The following GET1 variants were observed in gnomAD, a reference collection of about 807,000 sequenced individuals.
The protein encoded by GET1 is congenital heart disease 5 protein.
Under a neutral mutation model 22.6 loss-of-function variants are expected in GET1, and 20 were observed. The observed-to-expected ratio is 0.89, with a 90% CI of 0.62 to 1.29. The LOEUF is 1.29. Ranked by LOEUF, GET1 falls within the 50% of genes most tolerant of loss-of-function variation. GET1 has a pLI of 0.00. For missense variants in GET1, 209 were observed against 219.9 expected, an observed-to-expected ratio of 0.95 and a Z score of 0.31; for synonymous variants, 92 against 83.8, an observed-to-expected ratio of 1.10 and a Z score of -0.53.
Position 39,383,189 on chromosome 21 carries a change from T to C in GET1, c.102+2703T>C, listed in dbSNP as rs529967830. Among the ~76,000 whole-genome samples, 14 of 151,764 alleles carry C rather than the reference T, an allele frequency of 9.2e-5. No individual in the cohort carries two copies. In the East Asian group the frequency reaches 1.4e-3, roughly 15 times the overall value. The stretch of plus-strand genomic sequence containing the variant: ...CAGGATGGTCTCGATCTCCTGACCT[T>C]GTGATCTGCCCGCCTTGGCCTCCCA... On this transcript the variant is annotated intron_variant, in intron 1 of 4. Coordinates refer to ENST00000649170, the MANE Select transcript of GET1 (RefSeq NM_004627.6).
intron 1 of GET1, among the ~76,000 whole-genome samples, chr21:39,417,805 G>T (rs1050624306): frequency 1.3e-5 from 2 of 151,610 alleles, no homozygotes; most frequent in East Asian, 1.9e-4. Flanking sequence ...TCGCTCTGTC[G>T]CCCAGGCTGG....
At position 39,390,821 on chromosome 21, in the gene GET1, G is replaced by C. The variant is rs2038251616; in HGVS notation, c.226G>C (p.Glu76Gln). 1 of 1,614,056 alleles carries C rather than the reference G, an allele frequency of 6.2e-7. No homozygotes were observed. The highest frequency in any genetic ancestry group is 1.1e-5 in the South Asian group (1 of 91,084). The change falls in exon 2 of 5, where the codon GAA (glutamate) becomes CAA (glutamine). Residue 76 changes from glutamate (E) to glutamine (Q), a missense_variant. Physicochemically the swap from Glu to Gln is conservative, Grantham distance 29. Transcript: ENST00000649170. The stretch of plus-strand genomic sequence containing the variant: ...CGAGTTTGCCAGATATGCCAGGCTG[G>C]AAAGAAAGATCAACAAGATGACGGA... ...MDEFARYARL[E>Q]RKINKMTDKL...
chr21:39,403,213 C>T (rs1183575668), intron 4 of GET1, among the ~76,000 whole-genome samples: 1 of 152,248 alleles, frequency 6.6e-6, no homozygotes, highest in Non-Finnish European at 1.5e-5. Flanking sequence ...CTCTCCCTCC[C>T]TGCCTCCCTT....
At chr21:39,386,191 C>T (rs886548629) in intron 1 of GET1, 1 of 152,296 alleles carries the variant, frequency 6.6e-6, no homozygotes. Flanking sequence ...CTCTAGGGGA[C>T]TGAAGCGAGA....
chr21:39,417,914 C>T (rs918321566), intron 1 of GET1, among the ~76,000 whole-genome samples: 2 of 152,036 alleles, frequency 1.3e-5, no homozygotes, highest in Non-Finnish European at 1.5e-5. Flanking sequence ...TACAGGTGCC[C>T]GCCACCATGC....
At chr21:39,389,619 T>G (rs2836999) in intron 1 of GET1, among the ~76,000 whole-genome samples, 100,844 of 152,054 alleles carry the variant, frequency 0.66, 33,775 homozygotes, top group East Asian at 0.77. Flanking sequence ...CAGGGTTCCT[T>G]CTTGTCTTGT....
At chr21:39,407,223 T>TCAAAA (rs903799630), downstream of GET1, among the ~76,000 whole-genome samples, 106 of 152,202 alleles carry the variant, frequency 7.0e-4, no homozygotes, top group African/African-American at 2.0e-3. Context: ...CAGAGCTGTT[T>TCAAAA]CAAAACAAAA....
At chr21:39,380,534 G>C (rs776630448) in intron 1 of GET1, 48 bp downstream of exon 1, 4 of 1,577,140 alleles carry the variant, frequency 2.5e-6, no homozygotes, top group East Asian at 2.3e-5. Context: ...TGCCGCCCCA[G>C]TCCCCCGGCG....
At chr21:39,390,548 C>T (rs1453265249) in intron 1 of GET1, 150 bp from the exon 2 acceptor site, 8 of 999,526 alleles carry the variant, frequency 8.0e-6, no homozygotes, top group Non-Finnish European at 1.0e-5. Flanking sequence ...GGAACGTTCA[C>T]GGCCGCAGTT....
chr21:39,392,498 G>T (rs1490777882), intron 3 of GET1, among the ~76,000 whole-genome samples: 1 of 121,798 alleles, frequency 8.2e-6, no homozygotes, highest in Non-Finnish European at 1.8e-5. Flanking sequence ...CTGAGGCACT[G>T]TCATTTGCTA....
exon 5 of GET1, chr21:39,405,930 A>T (rs2039016958): frequency 6.2e-7 from 1 of 1,611,176 alleles, no homozygotes; most frequent in African/African-American, 1.3e-5. Context: ...ATGGCTTAAT[A>T]GAATTTACCA....
chr21:39,388,475 C>T (rs900829982), intron 1 of GET1, among the ~76,000 whole-genome samples: 1 of 152,190 alleles, frequency 6.6e-6, no homozygotes, highest in Non-Finnish European at 1.5e-5. Context: ...GGAGGAGTTT[C>T]CCAGTCTTCC....
intron 1 of GET1, chr21:39,380,693 TGGGAGAAACACC>T: frequency 7.2e-7 from 1 of 1,383,802 alleles, no homozygotes; most frequent in East Asian, 2.7e-5. Flanking sequence ...TCTAGGGGGT[TGGGAGAAACACC>T]GGGCAACCCT....
intron 1 of GET1, among the ~76,000 whole-genome samples, chr21:39,416,178 A>G (rs1048435971): frequency 6.6e-6 from 1 of 152,170 alleles, no homozygotes; most frequent in African/African-American, 2.4e-5. Flanking sequence ...GAAGGTAAAA[A>G]TGTTTGCTTC....
chr21:39,400,910 T>C (rs1017131735), downstream of GET1, among the ~76,000 whole-genome samples: 1 of 150,052 alleles, frequency 6.7e-6, no homozygotes, highest in Non-Finnish European at 1.5e-5. Context: ...ATTCTTTTCC[T>C]GTATTTTTTT....
chr21:39,399,469 G>C (rs533290946), downstream of GET1, among the ~76,000 whole-genome samples: 1 of 152,142 alleles, frequency 6.6e-6, no homozygotes, highest in South Asian at 2.1e-4. Flanking sequence ...TTTTGAGATG[G>C]AGTTTTGCTC....
At chr21:39,420,570 G>T in intron 1 of GET1, 1 of 557,074 alleles carries the variant, frequency 1.8e-6, no homozygotes, top group Non-Finnish European at 2.9e-6. Context: ...TGGGGGCCCA[G>T]GCCCCCTACA....
chr21:39,414,972 C>T (rs1314490177), intron 1 of GET1, among the ~76,000 whole-genome samples: 7 of 151,986 alleles, frequency 4.6e-5, no homozygotes, highest in African/African-American at 1.2e-4. Context: ...AGTGCAGTGG[C>T]GCCATCACTA....
chr21:39,423,554 T>G (rs2147743783), intron 1 of GET1: 1 of 1,390,420 alleles, frequency 7.2e-7, no homozygotes. Flanking sequence ...TATGCACATA[T>G]GCATAATCTC....
Sources: gnomAD v4.1 joint callset for allele counts (sites outside exome capture counted in the v4.1 genomes callset) on GRCh38, gnomAD v4.1.1 for gene constraint, MANE v1.5 for transcripts, NCBI Gene and HGNC (gene_info 2026-07-23, HGNC 2026-07-21) for gene names.